The following AURKA variants were observed in gnomAD, a reference collection of about 807,000 sequenced individuals.
The protein encoded by AURKA is aurora 2.
AURKA carries 12 observed loss-of-function variants against 40.9 expected under a neutral mutation model. That is an observed-to-expected ratio of 0.29 (90% CI 0.19 to 0.48). The LOEUF (loss-of-function observed/expected upper bound fraction) is 0.48, where lower values mean the gene tolerates loss of function less well. Among genes scored for constraint, AURKA ranks in the 20% least tolerant of loss-of-function variants. AURKA has a pLI of 0.99. For synonymous variants in AURKA, 170 were observed against 164.3 expected (o/e 1.03, Z -0.26); for missense variants, 322 against 462.1 (o/e 0.70, Z 2.78).
chr20:56,387,920 T>C (rs1986563244), intron 2 of AURKA, among the ~76,000 whole-genome samples: 1 of 152,198 alleles, frequency 6.6e-6, no homozygotes, highest in Admixed American at 6.5e-5. Flanking sequence ...TTATCCTGCA[T>C]ACAGTGGAGG....
At chr20:56,382,909 G>A in intron 5 of AURKA, 76 bp downstream of exon 5, 2 of 1,529,174 alleles carry the variant, frequency 1.3e-6, no homozygotes, top group South Asian at 1.1e-5. Flanking sequence ...CCTGGGCAGT[G>A]GGAGGCTGAC....
At position 56,371,355 on chromosome 20, in the gene AURKA, A is replaced by G. The variant is rs373845943; in HGVS notation, c.855-696T>C. Among the ~76,000 whole-genome samples the G allele has an allele frequency of 4.6e-4, 70 of 152,046 alleles. 1 individual carries two copies. The highest frequency in any genetic ancestry group is 2.6e-3 in the Admixed American group (40 of 15,262). On this transcript the variant is annotated intron_variant, in intron 7 of 8. Transcript: ENST00000395915. ...TGTGCGCCTGTAGTCCTAGCTACTC[A>G]GGAGGCTGAGGCAGAAGAATGGCGT...
intron 6 of AURKA, among the ~76,000 whole-genome samples, chr20:56,377,772 C>T (rs1026255786): frequency 2.6e-5 from 4 of 151,444 alleles, no homozygotes; most frequent in Non-Finnish European, 1.5e-5. Context: ...GGTGACAGAG[C>T]GAGACTCCGT....
chr20:56,385,810 A>T (rs1986288928), intron 3 of AURKA, among the ~76,000 whole-genome samples: 1 of 152,138 alleles, frequency 6.6e-6, no homozygotes, highest in Non-Finnish European at 1.5e-5. Context: ...AGTTCAAAAA[A>T]GCTTCAGTAG....
At chr20:56,385,215 C>G (rs1212856311) in intron 3 of AURKA, among the ~76,000 whole-genome samples, 1 of 152,208 alleles carries the variant, frequency 6.6e-6, no homozygotes, top group African/African-American at 2.4e-5. Context: ...GCTTCCTCCT[C>G]TGTAAAACTG....
chr20:56,373,869 G>A lies in AURKA; in HGVS notation c.706-313C>T, dbSNP rs1184755478. Among the ~76,000 whole-genome samples, 1 of 152,200 alleles carries A rather than the reference G, an allele frequency of 6.6e-6. No individual in the cohort carries two copies. The highest frequency in any genetic ancestry group is 2.4e-5 in the African/African-American group (1 of 41,452). ...GGAGGCTGAGGCAGGAGGATTGCTT[G>A]AGACCAGGAGGTCAAAGCTGCAGTG... On this transcript the variant is annotated intron_variant, in intron 6 of 8. Transcript: ENST00000395915. This position sits in a 1 kb window ranked among gnomAD's most constrained non-coding sequence, Gnocchi z 5.0.
At chr20:56,389,806 T>C (rs1176500699) in intron 1 of AURKA, among the ~76,000 whole-genome samples, 4 of 152,306 alleles carry the variant, frequency 2.6e-5, no homozygotes, top group Admixed American at 2.0e-4. Context: ...AATAACCCTT[T>C]ACGAGGTTCT....
intron 5 of AURKA, among the ~76,000 whole-genome samples, chr20:56,382,652 A>T (rs1985864963): frequency 6.6e-6 from 1 of 152,184 alleles, no homozygotes; most frequent in East Asian, 1.9e-4. Context: ...GCTCTTTGAA[A>T]GATGACAAAT....
At chr20:56,375,281 C>A (rs1435352828) in intron 6 of AURKA, among the ~76,000 whole-genome samples, 1 of 151,652 alleles carries the variant, frequency 6.6e-6, no homozygotes, top group African/African-American at 2.4e-5. Context: ...GTGTGTGCCA[C>A]CATGCCCAGC....
chr20:56,391,275 G>C (rs1987077406), intron 1 of AURKA, among the ~76,000 whole-genome samples: 1 of 152,220 alleles, frequency 6.6e-6, no homozygotes, highest in Non-Finnish European at 1.5e-5. Context: ...TTAATTCAAG[G>C]GACAAGGAAG....
chr20:56,380,136 C>T (rs1985506158), intron 6 of AURKA, among the ~76,000 whole-genome samples: 1 of 151,738 alleles, frequency 6.6e-6, no homozygotes, highest in Admixed American at 6.6e-5. Flanking sequence ...GTGGGTGGAT[C>T]ACAAGGTCAG....
intron 6 of AURKA, among the ~76,000 whole-genome samples, chr20:56,380,336 CAG>C (rs1375446006): frequency 7.5e-6 from 1 of 132,854 alleles, no homozygotes; most frequent in Non-Finnish European, 1.6e-5. Flanking sequence ...GCCTGGGCGA[CAG>C]AGTGAGACTC....
At chr20:56,388,045 C>G (rs2146211044) in intron 2 of AURKA, 111 bp downstream of exon 2, 1 of 757,750 alleles carries the variant, frequency 1.3e-6, no homozygotes, top group Non-Finnish European at 2.3e-6. Context: ...TCCAGGATCA[C>G]AGTAAGGGAT....
At chr20:56,381,302 A>G (rs1444110057) in intron 6 of AURKA, 131 bp downstream of exon 6, 2 of 1,163,716 alleles carry the variant, frequency 1.7e-6, no homozygotes, top group Non-Finnish European at 2.5e-6. Context: ...TGATTTTTCC[A>G]CTTCAAATAT....
At position 56,373,352 on chromosome 20, in the gene AURKA, G is replaced by T; in HGVS notation, c.854+56C>A. 3 of 1,611,062 alleles carry T rather than the reference G, an allele frequency of 1.9e-6. No individual in the cohort carries two copies. The South Asian group carries it at 3.3e-5, about 18-fold the overall frequency. ...CTGAAATATTTTACATTTAGCTCAC[G>T]GTTAGCTCCCAGGGCTTTGGTAAAC... On this transcript the variant is annotated intron_variant, in intron 7 of 8. Coordinates refer to ENST00000395915, the MANE Select transcript of AURKA (RefSeq NM_198437.3). This position sits in a 1 kb window ranked among gnomAD's most constrained non-coding sequence, Gnocchi z 5.0.
intron 7 of AURKA, among the ~76,000 whole-genome samples, chr20:56,371,340 T>C (rs1176579066): frequency 6.6e-6 from 1 of 151,822 alleles, no homozygotes; most frequent in African/African-American, 2.4e-5. Flanking sequence ...TGTGCGCCTG[T>C]AGTCCTAGCT....
chr20:56,383,963 C>T (rs1986051809), intron 4 of AURKA, among the ~76,000 whole-genome samples: 1 of 152,144 alleles, frequency 6.6e-6, no homozygotes, highest in African/African-American at 2.4e-5. Flanking sequence ...TAAAAAAGTA[C>T]AGACGCATAA....
At chr20:56,389,809 G>A (rs533010092) in intron 1 of AURKA, among the ~76,000 whole-genome samples, 2 of 152,070 alleles carry the variant, frequency 1.3e-5, no homozygotes, top group Non-Finnish European at 2.9e-5. Context: ...AACCCTTTAC[G>A]AGGTTCTCTC....
chr20:56,374,016 TACAC>T lies in AURKA; in HGVS notation c.706-464_706-461del, dbSNP rs11467339. Among the ~76,000 whole-genome samples, 291 of 147,458 alleles carry T rather than the reference TACAC, an allele frequency of 2.0e-3. 1 individual carries two copies. Among genetic ancestry groups the T allele is most frequent in the South Asian group, 7.2e-3 (33 of 4,610 alleles). On this transcript the variant is annotated intron_variant, in intron 6 of 8. Coordinates refer to ENST00000395915, the MANE Select transcript of AURKA (RefSeq NM_198437.3). ...GGATTGTAGAAATTATATAGGAGTC[TACAC>T]ACACACACACACACACACACACACA...
Sources: allele counts gnomAD v4.1 joint callset (sites outside exome capture counted in the v4.1 genomes callset), GRCh38; gene constraint gnomAD v4.1.1; non-coding constraint Gnocchi (gnomAD v3.1); transcripts MANE v1.5; gene names NCBI Gene and HGNC (gene_info 2026-07-23, HGNC 2026-07-21).